The following NAALADL2 variants were observed in gnomAD, a reference collection of about 807,000 sequenced individuals.
NAALADL2 encodes the protein N-acetylated alpha-linked acidic dipeptidase like 2.
NAALADL2 carries 76 observed loss-of-function variants against 87.2 expected under a neutral mutation model. That is an observed-to-expected ratio of 0.87 (90% CI 0.72 to 1.05). NAALADL2 has a LOEUF of 1.05. Among genes scored for constraint, NAALADL2 ranks in the 50% least tolerant of loss-of-function variants. The pLI is 0.00. For missense variants in NAALADL2, 1,089 were observed against 945.8 expected (o/e 1.15, Z -1.99); for synonymous variants, 354 against 331.0 (o/e 1.07, Z -0.75).
chr3:175,556,835 G>C (rs1195463324), intron 9 of NAALADL2, among the ~76,000 whole-genome samples: 1 of 152,096 alleles, frequency 6.6e-6, no homozygotes, highest in Non-Finnish European at 1.5e-5. Flanking sequence ...CATTAATGGG[G>C]ATAATTTTCA....
intron 2 of NAALADL2, among the ~76,000 whole-genome samples, chr3:174,724,268 A>G (rs1418046746): frequency 1.3e-5 from 2 of 152,308 alleles, no homozygotes; most frequent in African/African-American, 4.8e-5. Flanking sequence ...AGCAAGGTCA[A>G]ATTTCTCAGT....
intron 4 of NAALADL2, among the ~76,000 whole-genome samples, chr3:175,305,334 A>G (rs1488524409): frequency 6.6e-6 from 1 of 151,736 alleles, no homozygotes; most frequent in African/African-American, 2.4e-5. Context: ...GAACTTTATT[A>G]TTAAACTGTT....
chr3:174,926,394 C>T (rs935888378), intron 1 of NAALADL2, among the ~76,000 whole-genome samples: 1 of 152,058 alleles, frequency 6.6e-6, no homozygotes, highest in Non-Finnish European at 1.5e-5. Context: ...AACTCCAAGA[C>T]ACATAATTAT....
intron 11 of NAALADL2, among the ~76,000 whole-genome samples, chr3:175,669,204 A>G (rs1400732766): frequency 6.6e-6 from 1 of 152,122 alleles, no homozygotes; most frequent in African/African-American, 2.4e-5. Flanking sequence ...TCAGTTTTTG[A>G]TTCATTAATA....
rs146232862 is a variant in NAALADL2, at chr3:174,878,753, A to G, written c.43+19303A>G. Among the ~76,000 whole-genome samples the G allele has an allele frequency of 7.6e-3, 1,162 of 152,146 alleles. 9 individuals are homozygous for G. Among genetic ancestry groups the G allele is most frequent in the Middle Eastern group, 0.014 (4 of 294 alleles). On this transcript the variant is annotated intron_variant, in intron 1 of 13. Coordinates refer to ENST00000454872, the MANE Select transcript of NAALADL2 (RefSeq NM_207015.3). ...GACCCCACCCCTTCTGCTGTTCATT[A>G]AAGACATCATATTTGACATCTGACT...
intron 2 of NAALADL2, among the ~76,000 whole-genome samples, chr3:175,218,783 ATTATT>A (rs369523162): frequency 6.6e-5 from 10 of 151,756 alleles, no homozygotes; most frequent in African/African-American, 2.4e-4. Flanking sequence ...TATTCATTTC[ATTATT>A]TTATTTTATT....
intron 3 of NAALADL2, among the ~76,000 whole-genome samples, chr3:174,845,594 C>T (rs951032135): frequency 1.3e-5 from 2 of 152,182 alleles, no homozygotes; most frequent in Non-Finnish European, 2.9e-5. Flanking sequence ...TGCAGGTTTT[C>T]AGCCCAGGGC....
intron 1 of NAALADL2, among the ~76,000 whole-genome samples, chr3:174,541,287 T>A (rs1722196052): frequency 1.3e-5 from 2 of 152,210 alleles, no homozygotes; most frequent in South Asian, 4.1e-4. Flanking sequence ...TTCTCACAAA[T>A]TCTGTTAACA....
At chr3:175,787,041 G>A (rs1306055284) in intron 13 of NAALADL2, among the ~76,000 whole-genome samples, 1 of 151,928 alleles carries the variant, frequency 6.6e-6, no homozygotes, top group African/African-American at 2.4e-5. Context: ...AGGGGTCAGG[G>A]ACCCACTTGA....
rs538859065 is a variant in NAALADL2 at position 174,471,081 on chromosome 3, C to A, written c.-184+30049C>A. Among the ~76,000 whole-genome samples, 6 of 152,112 alleles carry A rather than the reference C, an allele frequency of 3.9e-5. No homozygotes were observed. In the South Asian group the frequency reaches 1.2e-3, roughly 32 times the overall value. The stretch of plus-strand genomic sequence containing the variant: ...TCTTTTCAGAGAAAGTTCCCAAGTG[C>A]CCTCCAGCAGTGCTCCTATCTGCAG... On this transcript the variant is annotated intron_variant, in intron 1 of 3. Coordinates refer to the NAALADL2 transcript ENST00000434257.
intron 1 of NAALADL2, among the ~76,000 whole-genome samples, chr3:175,021,054 A>G (rs1261468698): frequency 5.3e-5 from 8 of 152,124 alleles, no homozygotes; most frequent in Non-Finnish European, 1.0e-4. Context: ...ACAGAATAGC[A>G]GGAGACAAAC....
At chr3:174,762,051 A>G (rs896505967) in intron 3 of NAALADL2, among the ~76,000 whole-genome samples, 9 of 152,046 alleles carry the variant, frequency 5.9e-5, no homozygotes, top group African/African-American at 1.7e-4. Flanking sequence ...TTCCAAATCC[A>G]TAGTTACATA....
intron 9 of NAALADL2, among the ~76,000 whole-genome samples, chr3:175,493,204 C>T (rs1728347918): frequency 6.6e-6 from 1 of 151,972 alleles, no homozygotes; most frequent in South Asian, 2.1e-4. Context: ...ACACTTTCCT[C>T]TATTTTCTGA....
chr3:175,462,322 T>C (rs1276356802), intron 6 of NAALADL2, among the ~76,000 whole-genome samples: 2 of 152,166 alleles, frequency 1.3e-5, no homozygotes, highest in Admixed American at 1.3e-4. Flanking sequence ...AGACTCTACG[T>C]AGATTTACTC....
intron 13 of NAALADL2, among the ~76,000 whole-genome samples, chr3:175,761,981 C>T (rs1267710369): frequency 6.6e-6 from 1 of 152,068 alleles, no homozygotes; most frequent in South Asian, 2.1e-4. Flanking sequence ...TCTTGCAGAG[C>T]AGAAGTTGTT....
chr3:175,731,731 G>A (rs1334446876), intron 11 of NAALADL2, among the ~76,000 whole-genome samples: 2 of 152,196 alleles, frequency 1.3e-5, no homozygotes, highest in Non-Finnish European at 2.9e-5. Context: ...TTTGTTGCCA[G>A]AAGGTAGTTG....
chr3:175,654,485 G>A (rs77842366), intron 11 of NAALADL2, among the ~76,000 whole-genome samples: 3,907 of 152,092 alleles, frequency 0.026, 167 homozygotes, highest in African/African-American at 0.089. Flanking sequence ...ACTTCTTTTT[G>A]CTTTAAGTTG....
chr3:175,650,277 G>A (rs1306801982), intron 11 of NAALADL2, among the ~76,000 whole-genome samples: 1 of 152,178 alleles, frequency 6.6e-6, no homozygotes, highest in African/African-American at 2.4e-5. Flanking sequence ...CAAATTTATA[G>A]AGACAGAAAG....
chr3:174,541,742 A>G (rs546800540), intron 1 of NAALADL2, among the ~76,000 whole-genome samples: 189 of 152,350 alleles, frequency 1.2e-3, no homozygotes, highest in African/African-American at 4.4e-3. Context: ...AAAATAGGCA[A>G]TGATTAGGTA....
Sources: gnomAD v4.1 joint callset for allele counts (sites outside exome capture counted in the v4.1 genomes callset) on GRCh38, gnomAD v4.1.1 for gene constraint, MANE v1.5 for transcripts, NCBI Gene and HGNC (gene_info 2026-07-23, HGNC 2026-07-21) for gene names.